TMTC1: variants seen among roughly 807,000 people sequenced by gnomAD.
TMTC1 encodes the protein transmembrane O-mannosyltransferase targeting cadherins 1.
Under a neutral mutation model 104.8 loss-of-function variants are expected in TMTC1, and 73 were observed. That is an observed-to-expected ratio of 0.70 (90% CI 0.58 to 0.85). The LOEUF is 0.85. Among genes scored for constraint, TMTC1 ranks in the 40% least tolerant of loss-of-function variants. The probability of loss-of-function intolerance (pLI) is 0.00; values close to 1 mark genes in which losing one functional copy is unlikely to be tolerated. For synonymous variants in TMTC1, 434 were observed against 428.7 expected (o/e 1.01, Z -0.15); for missense variants, 1,035 against 1,096.1 (o/e 0.94, Z 0.79).
chr12:29,579,753 T>C (rs567028611), intron 8 of TMTC1, among the ~76,000 whole-genome samples: 1 of 152,328 alleles, frequency 6.6e-6, no homozygotes, highest in South Asian at 2.1e-4. Context: ...GTGATCCACC[T>C]ACCAGTTCAG....
At chr12:29,659,463 C>A (rs112425747) in intron 5 of TMTC1, among the ~76,000 whole-genome samples, 1 of 152,170 alleles carries the variant, frequency 6.6e-6, no homozygotes. Context: ...TCCTCTCTCT[C>A]TATGTGATCA....
chr12:29,742,396 G>C (rs1428446546), intron 5 of TMTC1, among the ~76,000 whole-genome samples: 1 of 152,070 alleles, frequency 6.6e-6, no homozygotes, highest in Admixed American at 6.6e-5. Flanking sequence ...TTAATGACAG[G>C]TCGCTCATGA....
intron 5 of TMTC1, among the ~76,000 whole-genome samples, chr12:29,652,881 G>A (rs899663859): frequency 2.0e-5 from 3 of 152,126 alleles, no homozygotes; most frequent in African/African-American, 7.2e-5. Flanking sequence ...GACCAACATG[G>A]TGAAACCCCG....
intron 5 of TMTC1, among the ~76,000 whole-genome samples, chr12:29,684,530 AT>A (rs1344360533): frequency 6.6e-6 from 1 of 152,176 alleles, no homozygotes; most frequent in Non-Finnish European, 1.5e-5. Flanking sequence ...TTCATATCTG[AT>A]TCATTTCCTA....
chr12:29,693,572 T>C (rs1379505385), intron 5 of TMTC1, among the ~76,000 whole-genome samples: 1 of 152,196 alleles, frequency 6.6e-6, no homozygotes. Context: ...TATTCTACTG[T>C]CTACTTCTGT....
intron 7 of TMTC1, among the ~76,000 whole-genome samples, chr12:29,597,037 ATATC>A: frequency 6.6e-6 from 1 of 152,086 alleles, no homozygotes; most frequent in Admixed American, 6.6e-5. Flanking sequence ...GTACAGGCTA[ATATC>A]TAACCTGTTT....
At chr12:29,665,316 G>A (rs7974503) in intron 5 of TMTC1, among the ~76,000 whole-genome samples, 30,574 of 152,134 alleles carry the variant, frequency 0.2, 3,471 homozygotes, top group East Asian at 0.27. Context: ...AACAGTATTT[G>A]TAACAACTTC....
chr12:29,602,080 C>T (rs375959809), intron 7 of TMTC1, among the ~76,000 whole-genome samples: 1 of 151,762 alleles, frequency 6.6e-6, no homozygotes, highest in South Asian at 2.1e-4. Flanking sequence ...GTGATCTGCC[C>T]GCCTCGGCCT....
At chr12:29,620,302 C>G (rs1947096925) in intron 6 of TMTC1, among the ~76,000 whole-genome samples, 1 of 152,102 alleles carries the variant, frequency 6.6e-6, no homozygotes, top group Non-Finnish European at 1.5e-5. Flanking sequence ...AGACTCAGCT[C>G]AGTGCTGATC....
chr12:29,695,975 T>C (rs1941413254), intron 5 of TMTC1, among the ~76,000 whole-genome samples: 1 of 151,876 alleles, frequency 6.6e-6, no homozygotes, highest in African/African-American at 2.4e-5. Flanking sequence ...TTCCTATGCT[T>C]TGAGAATTTT....
chr12:29,757,152 G>T (rs1204079185), intron 3 of TMTC1, among the ~76,000 whole-genome samples: 2 of 152,200 alleles, frequency 1.3e-5, no homozygotes, highest in African/African-American at 4.8e-5. Flanking sequence ...GCCAGGAGCA[G>T]AAGACTTACA....
At chr12:29,581,574 T>TA (rs753886731) in intron 8 of TMTC1, among the ~76,000 whole-genome samples, 1 of 152,166 alleles carries the variant, frequency 6.6e-6, no homozygotes, top group Non-Finnish European at 1.5e-5. Context: ...CTTTTTTTTT[T>TA]ACATCTTTGG....
chr12:29,770,702 A>T (rs963537840), intron 1 of TMTC1, among the ~76,000 whole-genome samples: 3 of 152,198 alleles, frequency 2.0e-5, no homozygotes, highest in South Asian at 4.1e-4. Context: ...GCTTTAAGAA[A>T]TCACCCTGAA....
chr12:29,586,450 T>C (rs1055362047), intron 7 of TMTC1, among the ~76,000 whole-genome samples: 55 of 152,208 alleles, frequency 3.6e-4, no homozygotes, highest in Admixed American at 2.9e-3. Context: ...CTGATTGCCC[T>C]GGCCAGAACT....
chr12:29,743,213 G>C (rs1942871669), intron 5 of TMTC1, among the ~76,000 whole-genome samples: 1 of 152,182 alleles, frequency 6.6e-6, no homozygotes. Context: ...CATATGCCTG[G>C]TAGGCAGTGG....
At chr12:29,764,412 G>A (rs568103069) in intron 2 of TMTC1, among the ~76,000 whole-genome samples, 2 of 152,166 alleles carry the variant, frequency 1.3e-5, no homozygotes. Context: ...GGAGACTGAG[G>A]TGGGAGGATT....
At chr12:29,726,841 T>G (rs972047344) in intron 5 of TMTC1, among the ~76,000 whole-genome samples, 14 of 152,134 alleles carry the variant, frequency 9.2e-5, no homozygotes, top group African/African-American at 3.4e-4. Context: ...ATTAAGAAAT[T>G]AAATGTAAAC....
chr12:29,631,296 C>T (rs1938284841), intron 6 of TMTC1, among the ~76,000 whole-genome samples: 1 of 152,102 alleles, frequency 6.6e-6, no homozygotes, highest in African/African-American at 2.4e-5. Flanking sequence ...ACAGTTTTCA[C>T]ATTGTGTTCT....
intron 5 of TMTC1, among the ~76,000 whole-genome samples, chr12:29,715,470 T>A (rs1170373672): frequency 6.6e-6 from 1 of 152,232 alleles, no homozygotes; most frequent in African/African-American, 2.4e-5. Flanking sequence ...CTCAGTGACA[T>A]GCATTTCAAT....
Sources: allele counts gnomAD v4.1 joint callset (sites outside exome capture counted in the v4.1 genomes callset), GRCh38; gene constraint gnomAD v4.1.1; transcripts MANE v1.5; gene names NCBI Gene and HGNC (gene_info 2026-07-23, HGNC 2026-07-21).